Variants in PTK2B observed in about 807,000 individuals in gnomAD.
PTK2B encodes the protein protein tyrosine kinase 2 beta, also known as protein-tyrosine kinase 2-beta.
In PTK2B, 71 loss-of-function variants were observed where a neutral mutation model predicts 142.9. The ratio of observed to expected loss-of-function variants is 0.50; its 90% CI spans 0.41 to 0.61. PTK2B has a LOEUF of 0.61. PTK2B is among the 20% of genes least tolerant of loss of function. The pLI is 0.00. For missense variants in PTK2B, 1,105 were observed against 1,320.4 expected (o/e 0.84, Z 2.53); for synonymous variants, 519 against 503.4 (o/e 1.03, Z -0.42).
intron 21 of PTK2B, 117 bp downstream of exon 21, chr8:27,440,558 G>A: frequency 7.9e-7 from 1 of 1,270,930 alleles, no homozygotes; most frequent in African/African-American, 1.5e-5. Flanking sequence ...CAGGGTCAAG[G>A]ACAGGAGGCT....
intron 2 of PTK2B, among the ~76,000 whole-genome samples, chr8:27,414,585 T>C (rs977100668): frequency 6.6e-6 from 1 of 152,236 alleles, no homozygotes; most frequent in Non-Finnish European, 1.5e-5. Context: ...TAAATGAAGC[T>C]CAGTTTCTCT....
chr8:27,352,282 T>C (rs927851905), intron 1 of PTK2B, among the ~76,000 whole-genome samples: 7 of 152,256 alleles, frequency 4.6e-5, no homozygotes, highest in African/African-American at 1.7e-4. Flanking sequence ...AGTGCTTTTT[T>C]CACCCACCTA....
At chr8:27,386,757 G>A (rs1358966514) in intron 1 of PTK2B, among the ~76,000 whole-genome samples, 3 of 152,162 alleles carry the variant, frequency 2.0e-5, no homozygotes, top group Admixed American at 1.3e-4. Flanking sequence ...AGACTAGGGG[G>A]TTGGCAGGTG....
intron 3 of PTK2B, among the ~76,000 whole-genome samples, chr8:27,319,759 T>A (rs560163293): frequency 9.2e-5 from 14 of 151,854 alleles, no homozygotes; most frequent in African/African-American, 3.4e-4. Context: ...TAACATCCCA[T>A]AAGGTAAATT....
chr8:27,331,282 C>G (rs978160050), intron 1 of PTK2B, among the ~76,000 whole-genome samples: 1 of 152,130 alleles, frequency 6.6e-6, no homozygotes, highest in East Asian at 1.9e-4. Context: ...ACCTGCCCCC[C>G]ACAAGCCATA....
chr8:27,458,430 C>T lies in PTK2B; in HGVS notation c.2951C>T (p.Ala984Val). 6.2e-7 allele frequency: 1 copy of T among 1,610,820 alleles called. No individual in the cohort carries two copies. Among genetic ancestry groups the T allele is most frequent in the Non-Finnish European group, 8.5e-7 (1 of 1,178,522 alleles). Residue 984 changes from alanine to valine, a missense_variant, in exon 31 of 31, where the codon GCT becomes GTT. Transcript: ENST00000346049. ...RQMLTASHTL[A>V]VDAKNLLDAV... ...ATGCTGACGGCTTCACACACCCTGGCTGTGGACGCCAAGAACCTGCTCGAC... is the reference window on the plus strand; with the variant it reads ...ATGCTGACGGCTTCACACACCCTGGTTGTGGACGCCAAGAACCTGCTCGAC...
In PTK2B at chr8:27,325,560, T is replaced by A. The variant is rs76696915; in HGVS notation, c.-159T>A. ...GAATCTAACCTGTCAGCCCTTTTAC[T>A]CAGCCACAGCCTCCGGAGCCGTTGC... On this transcript the variant is annotated 5_prime_UTR_variant, in exon 1 of 31. Transcript: ENST00000346049. 1 of 152,434 alleles carries A rather than the reference T, an allele frequency of 6.6e-6. No individual in the cohort carries two copies. The highest frequency in any genetic ancestry group is 2.4e-5 in the African/African-American group (1 of 41,452). 9.4% of individuals were successfully genotyped at this position (152,434 alleles called of 1,614,324 possible). A position where few individuals can be genotyped will look rare whatever the true frequency, so the allele number is the denominator to read the frequency against.
At chr8:27,324,869 C>G (rs1803322088), upstream of PTK2B, among the ~76,000 whole-genome samples, 1 of 152,180 alleles carries the variant, frequency 6.6e-6, no homozygotes, top group South Asian at 2.1e-4. Flanking sequence ...GCTAAGTGCC[C>G]TTGAGTGCCT....
intron 28 of PTK2B, 123 bp from the exon 29 acceptor site, chr8:27,454,031 A>G: frequency 7.3e-7 from 1 of 1,362,242 alleles, no homozygotes. Flanking sequence ...CAATTATTCT[A>G]AAGAAGAGTC....
intron 1 of PTK2B, among the ~76,000 whole-genome samples, chr8:27,364,097 TAC>T (rs1805879391): frequency 6.6e-6 from 1 of 152,184 alleles, no homozygotes; most frequent in Non-Finnish European, 1.5e-5. Flanking sequence ...CGTCCCGTTT[TAC>T]AGAGAAAGAA....
chr8:27,382,059 C>T (rs1049074061), intron 1 of PTK2B, among the ~76,000 whole-genome samples: 22 of 152,266 alleles, frequency 1.4e-4, no homozygotes, highest in Admixed American at 1.2e-3. Flanking sequence ...CAATGATTCT[C>T]GTGCCTCGGC....
chr8:27,428,165 C>T lies in PTK2B; in HGVS notation c.552-1928C>T, dbSNP rs1810198404. On this transcript the variant is annotated intron_variant, in intron 5 of 30. Transcript: ENST00000346049. ...ACCTAGATCCCTCACATACATGGTTCACACTCCTATGAGAATCTAATGTCA... is the reference window on the plus strand; with the variant it reads ...ACCTAGATCCCTCACATACATGGTTTACACTCCTATGAGAATCTAATGTCA... 3.3e-5 allele frequency among the ~76,000 whole-genome samples: 5 copies of T among 152,272 alleles called. No homozygotes were observed. In the South Asian group the frequency reaches 1.0e-3, roughly 32 times the overall value.
intron 1 of PTK2B, among the ~76,000 whole-genome samples, chr8:27,359,747 ATCTT>A (rs751951130): frequency 6.6e-6 from 1 of 151,800 alleles, no homozygotes; most frequent in African/African-American, 2.4e-5. Flanking sequence ...CTCTCTCCCT[ATCTT>A]TCTTTCTTTC....
chr8:27,418,349 T>C (rs1049283876), intron 2 of PTK2B, among the ~76,000 whole-genome samples: 7 of 152,222 alleles, frequency 4.6e-5, no homozygotes. Context: ...TATCTAAATA[T>C]TAGCATGACA....
intron 1 of PTK2B, among the ~76,000 whole-genome samples, chr8:27,377,974 G>A (rs1806774644): frequency 6.6e-6 from 1 of 152,166 alleles, no homozygotes; most frequent in South Asian, 2.1e-4. Flanking sequence ...TTTGGGGAAG[G>A]GAACATCCCT....
intron 14 of PTK2B, 112 bp downstream of exon 14, chr8:27,435,905 G>A (rs533273778): frequency 4.8e-5 from 66 of 1,364,486 alleles, no homozygotes; most frequent in African/African-American, 1.3e-4. Context: ...TCCTCCCTTC[G>A]TGCTAGACTT....
chr8:27,379,060 T>G (rs1025497692), intron 1 of PTK2B, among the ~76,000 whole-genome samples: 7 of 152,284 alleles, frequency 4.6e-5, no homozygotes, highest in South Asian at 4.1e-4. Context: ...ACTGCCCTGT[T>G]CCCAACGTGG....
chr8:27,389,910 G>T (rs1479977061), intron 1 of PTK2B, among the ~76,000 whole-genome samples: 3 of 152,180 alleles, frequency 2.0e-5, no homozygotes, highest in Non-Finnish European at 4.4e-5. Context: ...CCTAGGACCA[G>T]CTCCCTGAGA....
intron 2 of PTK2B, among the ~76,000 whole-genome samples, chr8:27,410,215 G>A (rs974388489): frequency 6.6e-6 from 1 of 152,242 alleles, no homozygotes; most frequent in Non-Finnish European, 1.5e-5. Flanking sequence ...TGGGTGGGAG[G>A]CTTGCATTGG....
Sources: gnomAD v4.1 joint callset for allele counts (sites outside exome capture counted in the v4.1 genomes callset) on GRCh38, gnomAD v4.1.1 for gene constraint, MANE v1.5 for transcripts, NCBI Gene and HGNC (gene_info 2026-07-23, HGNC 2026-07-21) for gene names.